CD72: variants seen among roughly 807,000 people sequenced by gnomAD.
CD72 encodes CD72 molecule, also known as B-cell differentiation antigen CD72.
In CD72, 28 loss-of-function variants were observed where a neutral mutation model predicts 50.7. That is an observed-to-expected ratio of 0.55 (90% CI 0.41 to 0.76). The LOEUF is 0.76. Ranked by LOEUF, CD72 falls within the 30% of genes least tolerant of loss-of-function variation. The pLI, the probability that CD72 is intolerant of heterozygous loss-of-function variation, is 0.00. For synonymous variants in CD72, 176 were observed against 171.2 expected (o/e 1.03, Z -0.22); for missense variants, 403 against 420.6 (o/e 0.96, Z 0.37).
intron 1 of CD72, among the ~76,000 whole-genome samples, chr9:35,630,328 G>A (rs1823233871): frequency 6.6e-6 from 1 of 152,168 alleles, no homozygotes; most frequent in African/African-American, 2.4e-5. Flanking sequence ...ATGAGCCACC[G>A]CACCCGGCTG....
intron 1 of CD72, among the ~76,000 whole-genome samples, chr9:35,642,026 G>A (rs1448356842): frequency 2.0e-5 from 3 of 152,162 alleles, no homozygotes; most frequent in Non-Finnish European, 2.9e-5. Context: ...AGTTCTGCCA[G>A]CTGAGCACTA....
chr9:35,629,941 C>A (rs761635003), intron 1 of CD72, among the ~76,000 whole-genome samples: 8 of 151,842 alleles, frequency 5.3e-5, no homozygotes, highest in Non-Finnish European at 5.9e-5. Flanking sequence ...GTTTGGGATT[C>A]TCTGTTTTAT....
intron 7 of CD72, among the ~76,000 whole-genome samples, chr9:35,611,041 G>A (rs1055572486): frequency 3.3e-5 from 5 of 152,188 alleles, no homozygotes; most frequent in Admixed American, 1.3e-4. Context: ...CACAAGGTCA[G>A]GACATCGAGA....
At position 35,610,716 on chromosome 9, in the gene CD72, T is replaced by C; in HGVS notation, c.988A>G (p.Lys330Glu). 1.9e-6 allele frequency: 3 copies of C among 1,612,708 alleles called. No individual in the cohort carries two copies. The highest frequency in any genetic ancestry group is 3.3e-5 in the Admixed American group (2 of 60,026). Reference sequence around the variant, plus strand: ...TCCAGTGTCCACCATGACCAAGTTTTATGTACCTTGTTACATTTTGAGCTT... The same window carrying C: ...TCCAGTGTCCACCATGACCAAGTTTCATGTACCTTGTTACATTTTGAGCTT... ...AQSSKCNKVHKTWSWWTLESE... is the reference protein window; with the variant it reads ...AQSSKCNKVHETWSWWTLESE... Residue 330 changes from lysine to glutamate, a missense_variant, in exon 8 of 9, where the codon AAA becomes GAA. Transcript: ENST00000259633.
chr9:35,624,816 G>T (rs368988467), intron 1 of CD72, among the ~76,000 whole-genome samples: 1 of 152,126 alleles, frequency 6.6e-6, no homozygotes, highest in East Asian at 1.9e-4. Context: ...CATTATTATT[G>T]TATCTGTTAT....
chr9:35,623,778 T>C (rs1823166995), upstream of CD72, among the ~76,000 whole-genome samples: 1 of 152,012 alleles, frequency 6.6e-6, no homozygotes, highest in Non-Finnish European at 1.5e-5. Flanking sequence ...TAGCTGGGCA[T>C]AGTGGTACAT....
upstream of CD72, among the ~76,000 whole-genome samples, chr9:35,620,865 C>T (rs1823142220): frequency 6.6e-6 from 1 of 152,164 alleles, no homozygotes. Context: ...TGGAACTGCA[C>T]ACCGCAATAT....
intron 1 of CD72, among the ~76,000 whole-genome samples, chr9:35,638,422 A>C (rs1823310800): frequency 1.3e-5 from 2 of 151,234 alleles, no homozygotes; most frequent in African/African-American, 4.9e-5. Context: ...TCCCCTCCTC[A>C]CACCCAGTCT....
At position 35,616,263 on chromosome 9, in the gene CD72, T is replaced by A; in HGVS notation, c.368A>T (p.Gln123Leu). 1 of 1,613,436 alleles carries A rather than the reference T, an allele frequency of 6.2e-7. No individual in the cohort carries two copies. Among genetic ancestry groups the A allele is most frequent in the Non-Finnish European group, 8.5e-7 (1 of 1,179,622 alleles). The change falls in exon 5 of 9, where the codon CAG becomes CTG. Residue 123 changes from glutamine (Q) to leucine (L), a missense_variant. Coordinates refer to ENST00000259633, the MANE Select transcript of CD72 (RefSeq NM_001782.3). Reference protein sequence around the residue: ...CLGVRYLQVSQQLQQTNRVLE... With the variant: ...CLGVRYLQVSLQLQQTNRVLE... Reference sequence around the variant, plus strand: ...AACCCTGTTCGTCTGCTGGAGCTGCTGAGACACCTGCAGATCTGTTTGGCC... The same window carrying A: ...AACCCTGTTCGTCTGCTGGAGCTGCAGAGACACCTGCAGATCTGTTTGGCC...
chr9:35,618,108 ATCAGCCCCTGGG>A lies in CD72; in HGVS notation c.84_95del (p.Pro29_Asp32del), dbSNP rs761793858. ...TCTCGTAGGTGATTTCCCCATCATC[ATCAGCCCCTGGG>A]TCTAGAGAGAAGAGAAAAGGGACCA... On this transcript the variant is annotated inframe_deletion and splice_region_variant, in exon 2 of 9. Transcript: ENST00000259633. 1.3e-5 allele frequency: 21 copies of A among 1,613,738 alleles called. No homozygotes were observed. In the South Asian group the frequency reaches 1.9e-4, roughly 14 times the overall value.
intron 1 of CD72, among the ~76,000 whole-genome samples, chr9:35,630,741 T>C (rs1823237035): frequency 6.6e-6 from 1 of 152,186 alleles, no homozygotes; most frequent in Non-Finnish European, 1.5e-5. Flanking sequence ...AATCTGTGTG[T>C]TCCTCAGTGT....
chr9:35,633,514 T>C (rs565448326), intron 1 of CD72, among the ~76,000 whole-genome samples: 1 of 152,172 alleles, frequency 6.6e-6, no homozygotes, highest in Non-Finnish European at 1.5e-5. Context: ...ATTCTTTTTT[T>C]AAAAACCAGT....
chr9:35,633,783 A>T (rs1377992569), intron 1 of CD72, among the ~76,000 whole-genome samples: 1 of 152,226 alleles, frequency 6.6e-6, no homozygotes, highest in Non-Finnish European at 1.5e-5. Flanking sequence ...AAAACCCATC[A>T]TAAGTAGAAA....
chr9:35,616,003 C>T lies in CD72; in HGVS notation c.628G>A (p.Glu210Lys). 7 of 1,614,074 alleles carry T rather than the reference C, an allele frequency of 4.3e-6. No individual in the cohort carries two copies. Among genetic ancestry groups the T allele is most frequent in the Non-Finnish European group, 5.9e-6 (7 of 1,180,018 alleles). Residue 210 changes from glutamate to lysine, a missense_variant, in exon 5 of 9, where the codon GAG (glutamate) becomes AAG (lysine). By Grantham distance (56) the Glu-to-Lys change is moderately conservative. Coordinates refer to ENST00000259633, the MANE Select transcript of CD72 (RefSeq NM_001782.3). ...TTCTCCATGTTGCTCAGCTTCTGCT[C>T]CAAGGCCCTCCTCTGTTGCTCCTCA... is the stretch of plus-strand genomic sequence containing the variant. ...QSEEQQRRAL[E>K]QKLSNMENRL...
chr9:35,621,154 AC>A (rs1350890288), upstream of CD72, among the ~76,000 whole-genome samples: 1 of 152,228 alleles, frequency 6.6e-6, no homozygotes, highest in African/African-American at 2.4e-5. Context: ...ATATCAGGGA[AC>A]TTTTAAGAGG....
At chr9:35,622,704 T>C (rs1823155707), upstream of CD72, among the ~76,000 whole-genome samples, 1 of 151,976 alleles carries the variant, frequency 6.6e-6, no homozygotes, top group Admixed American at 6.6e-5. Flanking sequence ...AAAGAATCGC[T>C]TAAACCCGGG....
chr9:35,617,339 C>T (rs1340922715), intron 2 of CD72, 92 bp from the exon 3 acceptor site: 4 of 1,394,726 alleles, frequency 2.9e-6, no homozygotes, highest in Non-Finnish European at 3.9e-6. Context: ...CACTGGGAAA[C>T]TCCAGTCTGC....
chr9:35,626,915 A>G (rs143251204), intron 1 of CD72, among the ~76,000 whole-genome samples: 6,697 of 150,014 alleles, frequency 0.045, 154 homozygotes, highest in African/African-American at 0.063. Context: ...GCAGTGGCAC[A>G]ATGTCAGCTC....
intron 1 of CD72, chr9:35,642,376 A>G (rs1823348427): frequency 6.6e-6 from 1 of 152,340 alleles, no homozygotes; most frequent in South Asian, 2.1e-4. Flanking sequence ...AGCAGTGAGT[A>G]TGCTGTTTAC....
Sources: allele counts gnomAD v4.1 joint callset (sites outside exome capture counted in the v4.1 genomes callset), GRCh38; gene constraint gnomAD v4.1.1; transcripts MANE v1.5; gene names NCBI Gene and HGNC (gene_info 2026-07-23, HGNC 2026-07-21).